The following CACNA1H variants were observed in gnomAD, a reference collection of about 807,000 sequenced individuals.
The protein encoded by CACNA1H is calcium voltage-gated channel subunit alpha1 H.
Under a neutral mutation model 192.5 loss-of-function variants are expected in CACNA1H, and 149 were observed. The ratio of observed to expected loss-of-function variants is 0.77; its 90% CI spans 0.68 to 0.89. The LOEUF (loss-of-function observed/expected upper bound fraction) is 0.89, where lower values mean the gene tolerates loss of function less well. Among genes scored for constraint, CACNA1H ranks in the 40% least tolerant of loss-of-function variants. The pLI is 0.00. For missense variants in CACNA1H, 4,257 were observed against 3,423.5 expected (o/e 1.24, Z -6.08); for synonymous variants, 2,202 against 1,475.2 (o/e 1.49, Z -11.29).
chr16:1,205,021 G>A (rs1389541715), intron 10 of CACNA1H, 93 bp from the exon 11 acceptor site: 1 of 756,686 alleles, frequency 1.3e-6, no homozygotes, highest in Admixed American at 3.1e-5. Context: ...CCGGGGAGGG[G>A]TGGGAGCCAC....
At position 1,167,710 on chromosome 16, in the gene CACNA1H, C is replaced by T. The variant is rs117434006; in HGVS notation, c.299+13674C>T. ...CAAGCCGGCTCCTGGCTAGGGACCC[C>T]GAGACCCCTCCTTTGCTTCCTGAAA... On this transcript the variant is annotated intron_variant, in intron 2 of 34. Coordinates refer to ENST00000348261, the MANE Select transcript of CACNA1H (RefSeq NM_021098.3). This position sits in a 1 kb window ranked among gnomAD's most constrained non-coding sequence, Gnocchi z 4.2. Among the ~76,000 whole-genome samples the T allele has an allele frequency of 4.8e-3, 728 of 152,312 alleles. 4 individuals are homozygous for T. The highest frequency in any genetic ancestry group is 9.1e-3 in the South Asian group (44 of 4,824).
intron 2 of CACNA1H, among the ~76,000 whole-genome samples, chr16:1,187,465 C>T (rs1396070331): frequency 6.6e-6 from 1 of 152,242 alleles, no homozygotes; most frequent in Non-Finnish European, 1.5e-5. Flanking sequence ...GGTGCCTTTC[C>T]CGCCCACACC....
Position 1,154,025 on chromosome 16 carries a change from G to T in CACNA1H, c.288G>T (p.Leu96=). ...GGCCGCGCAGCTGGTGCCTCCGGCT[G>T]GTCTGCAACCCATATCCTTCCCGGC... ...TTRPRSWCLR[L]VCNPWFEHVS... is the part of the protein sequence containing the mutation. Residue 96 remains leucine, a synonymous_variant, in exon 2 of 35, where the codon CTG becomes CTT. Transcript: ENST00000348261. 1.6e-6 allele frequency: 2 copies of T among 1,280,102 alleles called. No homozygotes were observed. The highest frequency in any genetic ancestry group is 1.5e-5 in the South Asian group (1 of 67,992). 79.3% of individuals were successfully genotyped at this position (1,280,102 alleles called of 1,614,324 possible).
rs914627859 is a variant in CACNA1H at position 1,195,815 on chromosome 16, C to T, written c.546-111C>T. The T allele has an allele frequency of 6.3e-5, 61 of 965,382 alleles. 2 individuals are homozygous for T. Among genetic ancestry groups the T allele is most frequent in the South Asian group, 2.0e-4 (15 of 75,664 alleles). The allele number at this position is 965,382 out of a possible 1,614,324, so 59.8% of individuals were successfully genotyped here. A position where few individuals can be genotyped will look rare whatever the true frequency, so the allele number is the denominator to read the frequency against. On this transcript the variant is annotated intron_variant, in intron 4 of 34. Transcript: ENST00000348261. ...CCTTCCTGGCCAGTACAAGGTCCTC[C>T]GGGTGCCGGGCTGGCCGGTTCTATG...
intron 2 of CACNA1H, 91 bp from the exon 3 acceptor site, chr16:1,194,881 C>G: frequency 1.1e-6 from 1 of 934,354 alleles, no homozygotes; most frequent in Non-Finnish European, 1.7e-6. Context: ...ACACCCGTGG[C>G]GGGGCTCCGG....
At position 1,202,145 on chromosome 16, in the gene CACNA1H, A is replaced by AC. The variant is rs1567514122; in HGVS notation, c.1701dup (p.Asp568ArgfsTer88). On this transcript the variant is annotated frameshift_variant, in exon 9 of 35. Coordinates refer to ENST00000348261, the MANE Select transcript of CACNA1H (RefSeq NM_021098.3). LOFTEE classifies it high-confidence loss of function. ...CCTCGCCACCTTCCCCAGGCCGCGG[A>AC]CCCCCCGACGCAGAGTCTGTGCACA... The AC allele has an allele frequency of 1.9e-6, 3 of 1,548,454 alleles. No individual in the cohort carries two copies. Among genetic ancestry groups the AC allele is most frequent in the Non-Finnish European group, 1.7e-6 (2 of 1,146,592 alleles).
intron 8 of CACNA1H, 66 bp from the exon 9 acceptor site, chr16:1,201,597 T>C: frequency 6.7e-7 from 1 of 1,492,522 alleles, no homozygotes; most frequent in South Asian, 1.3e-5. Context: ...CAGCGCACAG[T>C]AGGGCTCAGT....
chr16:1,187,153 TG>T (rs1330489270), intron 2 of CACNA1H, among the ~76,000 whole-genome samples: 3 of 152,208 alleles, frequency 2.0e-5, no homozygotes, highest in African/African-American at 7.2e-5. Flanking sequence ...GTCGTCTTCT[TG>T]AGCAAATTGG....
chr16:1,190,984 G>C (rs184652159), intron 2 of CACNA1H, among the ~76,000 whole-genome samples: 503 of 134,848 alleles, frequency 3.7e-3, no homozygotes, highest in African/African-American at 0.015. Context: ...CGGGGTTTCG[G>C]TGACCCAGCA....
In CACNA1H at chr16:1,220,474, C is replaced by T. The variant is rs776161185; in HGVS notation, c.6542C>T (p.Ala2181Val). 34 of 1,545,446 alleles carry T rather than the reference C, an allele frequency of 2.2e-5. No individual in the cohort carries two copies. The highest frequency in any genetic ancestry group is 1.5e-4 in the South Asian group (12 of 78,866). ...CCTGAGGCCGAGCCCGCTCTGGGTG[C>T]GCGCAGAAAGAAGAAGATGAGCCCC... ...WGPEAEPALGARRKKKMSPPC... is the reference protein window; with the variant it reads ...WGPEAEPALGVRRKKKMSPPC... The change falls in exon 35 of 35, where the codon GCG becomes GTG. Residue 2181 changes from alanine to valine, a missense_variant. Ala to Val is a moderately conservative substitution (Grantham distance 64, BLOSUM62 0). Transcript: ENST00000348261.
At chr16:1,156,296 C>T (rs747751907) in intron 2 of CACNA1H, among the ~76,000 whole-genome samples, 2 of 152,214 alleles carry the variant, frequency 1.3e-5, no homozygotes, top group South Asian at 2.1e-4. Context: ...AAACGCCCGT[C>T]GGTCAGGTGG....
intron 2 of CACNA1H, among the ~76,000 whole-genome samples, chr16:1,174,075 G>C (rs192450595): frequency 5.9e-5 from 9 of 152,352 alleles, no homozygotes; most frequent in Admixed American, 2.0e-4. Flanking sequence ...GATACGGGGA[G>C]CTGTCACCTA....
chr16:1,175,873 C>T (rs1383654028), intron 2 of CACNA1H, among the ~76,000 whole-genome samples: 1 of 152,120 alleles, frequency 6.6e-6, no homozygotes, highest in Non-Finnish European at 1.5e-5. Flanking sequence ...CCGTCTCGGG[C>T]AGACCTTGGG....
chr16:1,196,142 TCCGGCCCCAGCC>T (rs1966938792), intron 5 of CACNA1H, 119 bp downstream of exon 5: 9 of 785,624 alleles, frequency 1.1e-5, no homozygotes, highest in Non-Finnish European at 1.7e-5. Flanking sequence ...TACCAGGCAC[TCCGGCCCCAGCC>T]CAGACCCCAG....
Position 1,207,051 on chromosome 16 carries a change from C to A in CACNA1H, c.2840C>A (p.Thr947Asn). Residue 947 changes from threonine to asparagine, a missense_variant, in exon 13 of 35, where the codon ACC (threonine) becomes AAC (asparagine). Physicochemically the swap from Thr to Asn is moderately conservative, Grantham distance 65 (BLOSUM62 0). Transcript: ENST00000348261. ...FGCKFSLKTD[T>N]GDTVPDRKNF... Reference sequence around the variant, plus strand: ...TGCAAGTTCAGCCTGAAGACAGACACCGGAGACACCGTGCCTGACAGGAAG... The same window carrying A: ...TGCAAGTTCAGCCTGAAGACAGACAACGGAGACACCGTGCCTGACAGGAAG... The A allele has an allele frequency of 6.2e-7, 1 of 1,602,648 alleles. No homozygotes were observed. Among genetic ancestry groups the A allele is most frequent in the Non-Finnish European group, 8.5e-7 (1 of 1,174,730 alleles).
At position 1,198,790 on chromosome 16, in the gene CACNA1H, C is replaced by A; in HGVS notation, c.803+16C>A. ...CCTTTGTCAGGTGCCCAGGCCCCAC[C>A]CCCGTGAGGCCCCTGCCCAGATGGC... is the stretch of plus-strand genomic sequence containing the variant. On this transcript the variant is annotated intron_variant, in intron 6 of 34. Transcript: ENST00000348261. 1.3e-6 allele frequency: 2 copies of A among 1,599,890 alleles called. No homozygotes were observed. The highest frequency in any genetic ancestry group is 4.5e-5 in the East Asian group (2 of 44,552).
chr16:1,183,739 G>A (rs1287459663), intron 2 of CACNA1H, among the ~76,000 whole-genome samples: 1 of 152,236 alleles, frequency 6.6e-6, no homozygotes, highest in Non-Finnish European at 1.5e-5. Flanking sequence ...GGGCGGCCCT[G>A]GGGGGAGCGT....
intron 2 of CACNA1H, among the ~76,000 whole-genome samples, chr16:1,172,407 C>G (rs1156868211): frequency 6.6e-6 from 1 of 152,090 alleles, no homozygotes; most frequent in Admixed American, 6.5e-5. Flanking sequence ...GCGTCCTCCC[C>G]TCTTAGACGG....
Position 1,202,671 on chromosome 16 carries a change from A to G in CACNA1H, c.2002+219A>G, listed in dbSNP as rs534911527. On this transcript the variant is annotated intron_variant, in intron 9 of 34. Transcript: ENST00000348261. ...GCAAGCTCCCGGTGGCCCACAGCTC[A>G]TGGCAGGAGTGGTAGCCGCGGAGGT... 4.2e-3 allele frequency among the ~76,000 whole-genome samples: 645 copies of G among 152,234 alleles called. 3 individuals are homozygous for G. Among genetic ancestry groups the G allele is most frequent in the Non-Finnish European group, 7.0e-3 (477 of 67,982 alleles).
Sources: gnomAD v4.1 joint callset for allele counts (sites outside exome capture counted in the v4.1 genomes callset) on GRCh38, gnomAD v4.1.1 for gene constraint, Gnocchi (gnomAD v3.1) non-coding constraint, MANE v1.5 for transcripts, NCBI Gene and HGNC (gene_info 2026-07-23, HGNC 2026-07-21) for gene names.